GRIK1: variants seen among roughly 807,000 people sequenced by gnomAD.
The protein encoded by GRIK1 is glutamate ionotropic receptor kainate type subunit 1.
Under a neutral mutation model 105.7 loss-of-function variants are expected in GRIK1, and 69 were observed. The ratio of observed to expected loss-of-function variants is 0.65; its 90% CI spans 0.54 to 0.80. The LOEUF (loss-of-function observed/expected upper bound fraction) is 0.80. Ranked by LOEUF, GRIK1 falls within the 30% of genes least tolerant of loss-of-function variation. The probability of loss-of-function intolerance (pLI) is 0.00; values close to 1 mark genes in which losing one functional copy is unlikely to be tolerated. For synonymous variants in GRIK1, 438 were observed against 431.3 expected (o/e 1.02, Z -0.19); for missense variants, 1,109 against 1,167.3 (o/e 0.95, Z 0.73).
intron 1 of GRIK1, among the ~76,000 whole-genome samples, chr21:29,769,980 G>A (rs747680432): frequency 1.3e-5 from 2 of 152,202 alleles, no homozygotes; most frequent in Non-Finnish European, 2.9e-5. Flanking sequence ...TGACAAAGAT[G>A]TGAGTATGAT....
At chr21:29,641,547 T>A (rs934673417) in intron 7 of GRIK1, among the ~76,000 whole-genome samples, 1 of 152,226 alleles carries the variant, frequency 6.6e-6, no homozygotes, top group African/African-American at 2.4e-5. Flanking sequence ...CAGGTTATAT[T>A]GCTCATCAGT....
chr21:29,649,098 G>A (rs2062675406), intron 6 of GRIK1, among the ~76,000 whole-genome samples: 1 of 152,028 alleles, frequency 6.6e-6, no homozygotes, highest in Admixed American at 6.6e-5. Flanking sequence ...CACCTCCCAT[G>A]ACACAGTTTC....
chr21:29,674,774 C>T (rs756956577), intron 3 of GRIK1, among the ~76,000 whole-genome samples: 1 of 152,180 alleles, frequency 6.6e-6, no homozygotes, highest in Non-Finnish European at 1.5e-5. Flanking sequence ...GTCAATTAAA[C>T]CTCTTTTCGT....
intron 7 of GRIK1, among the ~76,000 whole-genome samples, chr21:29,641,060 A>G (rs924317280): frequency 1.1e-4 from 17 of 152,194 alleles, no homozygotes; most frequent in Admixed American, 9.8e-4. Context: ...TTTCTGAACT[A>G]TTCTTCACAA....
At chr21:29,562,862 A>T (rs978932281) in intron 14 of GRIK1, among the ~76,000 whole-genome samples, 7 of 121,838 alleles carry the variant, frequency 5.7e-5, no homozygotes, top group African/African-American at 2.2e-4. Flanking sequence ...GCACATATAC[A>T]TATGTACCAC....
intron 1 of GRIK1, among the ~76,000 whole-genome samples, chr21:29,906,322 T>C (rs2070638717): frequency 1.3e-5 from 2 of 152,238 alleles, no homozygotes; most frequent in Admixed American, 6.5e-5. Flanking sequence ...CAAATACCTT[T>C]ACAGATCCAG....
chr21:29,886,857 G>A (rs1046596415), intron 1 of GRIK1, among the ~76,000 whole-genome samples: 11 of 152,254 alleles, frequency 7.2e-5, no homozygotes, highest in Non-Finnish European at 1.6e-4. Context: ...GAGAGAAATG[G>A]CAACTAAGCC....
At chr21:29,553,797 G>A (rs2090182449) in intron 16 of GRIK1, 2 of 868,720 alleles carry the variant, frequency 2.3e-6, no homozygotes, top group Non-Finnish European at 3.5e-6. Context: ...ATCACATGAA[G>A]CTGGCAACTA....
intron 1 of GRIK1, among the ~76,000 whole-genome samples, chr21:29,741,973 G>A (rs933492271): frequency 6.6e-6 from 1 of 152,172 alleles, no homozygotes; most frequent in Admixed American, 6.5e-5. Flanking sequence ...TGATGTTTGT[G>A]AATATTTAAT....
At chr21:29,909,106 TTTTA>T (rs2070733781) in intron 1 of GRIK1, among the ~76,000 whole-genome samples, 1 of 152,140 alleles carries the variant, frequency 6.6e-6, no homozygotes, top group African/African-American at 2.4e-5. Context: ...TCAAAGAAAT[TTTTA>T]TTTAACAAAC....
intron 14 of GRIK1, among the ~76,000 whole-genome samples, chr21:29,573,664 A>G (rs1175364808): frequency 6.6e-6 from 1 of 152,182 alleles, no homozygotes; most frequent in African/African-American, 2.4e-5. Context: ...AGCCTGGCCA[A>G]CATGGTGAAA....
At chr21:29,700,601 A>T (rs2063793553) in intron 1 of GRIK1, among the ~76,000 whole-genome samples, 1 of 152,034 alleles carries the variant, frequency 6.6e-6, no homozygotes, top group Non-Finnish European at 1.5e-5. Flanking sequence ...TCACTGATTG[A>T]CTTTTTTTTT....
At chr21:29,761,509 A>T (rs1032285700) in intron 1 of GRIK1, 1 of 152,206 alleles carries the variant, frequency 6.6e-6, no homozygotes, top group Non-Finnish European at 1.5e-5. Context: ...AACTTTCAAC[A>T]AGAAAACCAA....
chr21:29,680,315 C>T (rs777709530), intron 3 of GRIK1, among the ~76,000 whole-genome samples: 6 of 152,192 alleles, frequency 3.9e-5, no homozygotes, highest in Admixed American at 6.5e-5. Flanking sequence ...ATAATAAAAA[C>T]TTTCAAATGG....
intron 14 of GRIK1, among the ~76,000 whole-genome samples, chr21:29,568,907 A>G (rs1303852835): frequency 6.6e-6 from 1 of 152,068 alleles, no homozygotes; most frequent in African/African-American, 2.4e-5. Flanking sequence ...GCTGAATTAA[A>G]CTGAATTAAA....
At chr21:29,759,274 T>A (rs958680784) in intron 1 of GRIK1, among the ~76,000 whole-genome samples, 1 of 151,894 alleles carries the variant, frequency 6.6e-6, no homozygotes, top group African/African-American at 2.4e-5. Context: ...CCCGCCACCA[T>A]GCCCGGCTAA....
chr21:29,564,879 G>A (rs889416619), intron 14 of GRIK1, among the ~76,000 whole-genome samples: 2 of 152,158 alleles, frequency 1.3e-5, no homozygotes, highest in Non-Finnish European at 2.9e-5. Flanking sequence ...TCACAGCTTA[G>A]TAACAAAATG....
At chr21:29,641,642 GC>G (rs910040295) in intron 7 of GRIK1, among the ~76,000 whole-genome samples, 1 of 152,184 alleles carries the variant, frequency 6.6e-6, no homozygotes, top group African/African-American at 2.4e-5. Context: ...CAAAATTTAA[GC>G]GAGAATTTCC....
At chr21:29,554,076 A>G (rs1415148957) in intron 16 of GRIK1, among the ~76,000 whole-genome samples, 1 of 152,162 alleles carries the variant, frequency 6.6e-6, no homozygotes, top group Non-Finnish European at 1.5e-5. Context: ...GCTTCCACTT[A>G]AAGAAAGTGG....
Sources: gnomAD v4.1 joint callset for allele counts (sites outside exome capture counted in the v4.1 genomes callset) on GRCh38, gnomAD v4.1.1 for gene constraint, MANE v1.5 for transcripts, NCBI Gene and HGNC (gene_info 2026-07-23, HGNC 2026-07-21) for gene names.